KSR1: variants seen among roughly 807,000 people sequenced by gnomAD.
KSR1 encodes kinase suppressor of ras.
Under a neutral mutation model 92.9 loss-of-function variants are expected in KSR1, and 35 were observed. The ratio of observed to expected loss-of-function variants is 0.38; its 90% CI spans 0.29 to 0.50. The LOEUF is 0.50. Among genes scored for constraint, KSR1 ranks in the 20% least tolerant of loss-of-function variants. The probability of loss-of-function intolerance (pLI) is 0.94; values close to 1 mark genes in which losing one functional copy is unlikely to be tolerated. For missense variants in KSR1, 972 were observed against 1,158.5 expected (o/e 0.84, Z 2.34); for synonymous variants, 467 against 472.6 (o/e 0.99, Z 0.15).
intron 2 of KSR1, among the ~76,000 whole-genome samples, chr17:27,572,894 G>T (rs922627324): frequency 1.3e-5 from 2 of 152,156 alleles, no homozygotes; most frequent in African/African-American, 4.8e-5. Context: ...TCACAGCCAC[G>T]CGACCGTCCT....
At chr17:27,585,596 T>TAGGAACA (rs1475346802) in intron 4 of KSR1, 61 bp from the exon 5 acceptor site, 1 of 732,166 alleles carries the variant, frequency 1.4e-6, no homozygotes, top group Non-Finnish European at 2.5e-6. Context: ...GGTAGTGTTC[T>TAGGAACA]AGGAACACGC....
intron 7 of KSR1, among the ~76,000 whole-genome samples, chr17:27,591,472 G>C (rs1488185602): frequency 6.6e-6 from 1 of 152,226 alleles, no homozygotes; most frequent in Admixed American, 6.5e-5. Context: ...CTGCATTGCT[G>C]TGTGATCTGG....
At chr17:27,618,730 C>A (rs1237198419) in intron 19 of KSR1, among the ~76,000 whole-genome samples, 1 of 152,186 alleles carries the variant, frequency 6.6e-6, no homozygotes, top group Non-Finnish European at 1.5e-5. Context: ...TTTTTGCCCC[C>A]CAACCATGTA....
At chr17:27,562,276 A>G (rs776335413) in intron 2 of KSR1, among the ~76,000 whole-genome samples, 1 of 152,208 alleles carries the variant, frequency 6.6e-6, no homozygotes, top group Non-Finnish European at 1.5e-5. Context: ...AGTGCCTGGC[A>G]TGTGGTGGGT....
At chr17:27,504,699 G>A (rs991406232) in intron 1 of KSR1, among the ~76,000 whole-genome samples, 6 of 152,288 alleles carry the variant, frequency 3.9e-5, no homozygotes, top group East Asian at 1.9e-4. Context: ...CATCCCTGCC[G>A]CCATCTGCCT....
chr17:27,559,315 G>A lies in KSR1; in HGVS notation c.372+8607G>A, dbSNP rs1475077749. Among the ~76,000 whole-genome samples, 1 of 152,148 alleles carries A rather than the reference G, an allele frequency of 6.6e-6. No homozygotes were observed. The highest frequency in any genetic ancestry group is 2.1e-4 in the South Asian group (1 of 4,830). On this transcript the variant is annotated intron_variant, in intron 2 of 20. Coordinates refer to ENST00000644974, the MANE Select transcript of KSR1 (RefSeq NM_001394583.1). The surrounding 1 kb of genome is among the most constrained non-coding windows in gnomAD (Gnocchi z 4.2). ...CTGCATGCCTGACCTTTGGTTCCTCGTCCCTTCCCTGTCTGTAGATGTTGG... is the reference window on the plus strand; with the variant it reads ...CTGCATGCCTGACCTTTGGTTCCTCATCCCTTCCCTGTCTGTAGATGTTGG...
chr17:27,501,264 C>CTTTTTTTTTTTTTTTATTTTTTTTTT (rs555435353), intron 1 of KSR1, among the ~76,000 whole-genome samples: 1 of 52,170 alleles, frequency 1.9e-5, no homozygotes, highest in African/African-American at 7.8e-5. Flanking sequence ...TTTTCTTTTT[C>CTTTTTTTTTTTTTTTATTTTTTTTTT]TTTTTTTTTT....
At chr17:27,490,857 G>C (rs528049587) in intron 1 of KSR1, among the ~76,000 whole-genome samples, 9 of 152,312 alleles carry the variant, frequency 5.9e-5, no homozygotes, top group African/African-American at 2.2e-4. Context: ...GTTGTTCATT[G>C]TGTAAAGGGT....
intron 2 of KSR1, among the ~76,000 whole-genome samples, chr17:27,576,561 G>A (rs2151152294): frequency 6.6e-6 from 1 of 152,262 alleles, no homozygotes; most frequent in South Asian, 2.1e-4. Context: ...AGAGGTCGTG[G>A]CAGTTGATCT....
At chr17:27,519,178 G>A (rs2069919708) in intron 1 of KSR1, among the ~76,000 whole-genome samples, 1 of 152,168 alleles carries the variant, frequency 6.6e-6, no homozygotes, top group Non-Finnish European at 1.5e-5. Flanking sequence ...AATGGCTTGT[G>A]GTGGTCAGCG....
intron 1 of KSR1, among the ~76,000 whole-genome samples, chr17:27,543,201 A>T (rs1349487267): frequency 1.3e-5 from 2 of 152,224 alleles, no homozygotes; most frequent in East Asian, 3.8e-4. Context: ...GAGGCAAGGC[A>T]GCTATTGCTC....
chr17:27,537,634 G>A (rs995473093), intron 1 of KSR1, among the ~76,000 whole-genome samples: 4 of 152,136 alleles, frequency 2.6e-5, no homozygotes, highest in Admixed American at 6.5e-5. Context: ...AGGTTGCAAT[G>A]AGCCGAGATC....
At chr17:27,496,371 G>T (rs775298945) in intron 1 of KSR1, among the ~76,000 whole-genome samples, 2 of 152,204 alleles carry the variant, frequency 1.3e-5, no homozygotes, top group Non-Finnish European at 2.9e-5. Flanking sequence ...CCTAAAATTA[G>T]AAACCCTGAA....
chr17:27,527,436 T>G (rs1351525790), intron 1 of KSR1, among the ~76,000 whole-genome samples: 1 of 131,880 alleles, frequency 7.6e-6, no homozygotes, highest in African/African-American at 2.9e-5. Flanking sequence ...AAAGTCTTGC[T>G]CTGTCACCTA....
intron 19 of KSR1, 131 bp downstream of exon 19, chr17:27,617,559 CT>C (rs1310085204): frequency 8.9e-7 from 1 of 1,119,080 alleles, no homozygotes; most frequent in African/African-American, 1.6e-5. Flanking sequence ...CAGAGTCTCG[CT>C]CTTGTCATCA....
chr17:27,589,870 C>A (rs902087938), intron 6 of KSR1, among the ~76,000 whole-genome samples: 1 of 152,180 alleles, frequency 6.6e-6, no homozygotes, highest in Non-Finnish European at 1.5e-5. Context: ...CTCCTCAACC[C>A]CCTCTTTAAA....
chr17:27,623,269 G>A (rs555056446), intron 20 of KSR1, 45 bp from the exon 21 acceptor site: 29 of 746,688 alleles, frequency 3.9e-5, no homozygotes, highest in Non-Finnish European at 6.1e-5. Flanking sequence ...TAATTCTGAT[G>A]AAGATCAATG....
At chr17:27,487,368 G>A (rs2068696913) in intron 1 of KSR1, among the ~76,000 whole-genome samples, 1 of 152,168 alleles carries the variant, frequency 6.6e-6, no homozygotes, top group Admixed American at 6.5e-5. Flanking sequence ...CTGGGAGGTG[G>A]AGGTTGCCAT....
At chr17:27,610,323 C>T in intron 17 of KSR1, 125 bp downstream of exon 17, 3 of 1,319,268 alleles carry the variant, frequency 2.3e-6, no homozygotes, top group Non-Finnish European at 2.1e-6. Flanking sequence ...AAAAAATCAA[C>T]CTTGAGTCCT....
Sources: gnomAD v4.1 joint callset for allele counts (sites outside exome capture counted in the v4.1 genomes callset) on GRCh38, gnomAD v4.1.1 for gene constraint, Gnocchi (gnomAD v3.1) non-coding constraint, MANE v1.5 for transcripts, NCBI Gene and HGNC (gene_info 2026-07-23, HGNC 2026-07-21) for gene names.